PRR16: variants seen among roughly 807,000 people sequenced by gnomAD.
PRR16 encodes protein Largen.
In PRR16, 6 loss-of-function variants were observed where a neutral mutation model predicts 18.2. That is an observed-to-expected ratio of 0.33 (90% confidence interval 0.18 to 0.65). The LOEUF is 0.65. PRR16 is among the 30% of genes least tolerant of loss of function. PRR16 has a pLI of 0.74. For missense variants in PRR16, 412 were observed against 376.6 expected (o/e 1.09, Z -0.78); for synonymous variants, 151 against 147.8 (o/e 1.02, Z -0.16).
the PRR16 span, among the ~76,000 whole-genome samples, chr5:120,733,156 T>C: frequency 6.6e-6 from 1 of 152,132 alleles, no homozygotes; most frequent in African/African-American, 2.4e-5. Flanking sequence ...ATTTGTTTTT[T>C]CTTTTTTGAG....
At chr5:120,658,635 A>G (rs940899415) in intron 1 of PRR16, among the ~76,000 whole-genome samples, 3 of 151,948 alleles carry the variant, frequency 2.0e-5, no homozygotes, top group African/African-American at 2.4e-5. Flanking sequence ...AGACAAAAAT[A>G]AGATACTACA....
At chr5:120,723,278 T>G in the PRR16 span, among the ~76,000 whole-genome samples, 2 of 151,968 alleles carry the variant, frequency 1.3e-5, no homozygotes, top group Non-Finnish European at 2.9e-5. Flanking sequence ...ACCTGGTATG[T>G]ATTTGGTACT....
Position 120,619,673 on chromosome 5 carries a change from A to G in PRR16, c.160-66281A>G, listed in dbSNP as rs188588234. Among the ~76,000 whole-genome samples, 194 of 152,264 alleles carry G rather than the reference A, an allele frequency of 1.3e-3. 1 individual carries two copies. The highest frequency in any genetic ancestry group is 4.3e-3 in the African/African-American group (178 of 41,564). Reference sequence around the variant, plus strand: ...AGGAATGCAAAAATTTCTCCTAAGAATCTATATTAAAATATAGTAAAGCAG... The same window carrying G: ...AGGAATGCAAAAATTTCTCCTAAGAGTCTATATTAAAATATAGTAAAGCAG... On this transcript the variant is annotated intron_variant, in intron 1 of 1. Coordinates refer to ENST00000407149, the MANE Select transcript of PRR16 (RefSeq NM_001300783.2).
intron 1 of PRR16, among the ~76,000 whole-genome samples, chr5:120,528,558 G>A (rs568256323): frequency 6.6e-6 from 1 of 152,144 alleles, no homozygotes; most frequent in Admixed American, 6.6e-5. Flanking sequence ...AATCAATTAT[G>A]AATTTGAGCT....
chr5:120,529,072 C>G (rs1751462349), intron 1 of PRR16, among the ~76,000 whole-genome samples: 1 of 152,072 alleles, frequency 6.6e-6, no homozygotes, highest in Non-Finnish European at 1.5e-5. Flanking sequence ...TTAATCTCAA[C>G]TTAGCAGCAT....
chr5:120,604,397 C>G (rs969323580), intron 1 of PRR16, among the ~76,000 whole-genome samples: 3 of 152,056 alleles, frequency 2.0e-5, no homozygotes, highest in Non-Finnish European at 4.4e-5. Context: ...TTTCCATTTG[C>G]TTGATAGATC....
chr5:120,674,506 A>G (rs1047981768), intron 1 of PRR16, among the ~76,000 whole-genome samples: 1 of 152,258 alleles, frequency 6.6e-6, no homozygotes. Context: ...TTTTGAAGTT[A>G]CTAGCAAAAT....
intron 1 of PRR16, among the ~76,000 whole-genome samples, chr5:120,593,190 T>G (rs561264161): frequency 6.6e-6 from 1 of 151,638 alleles, no homozygotes; most frequent in Non-Finnish European, 1.5e-5. Context: ...GAGATTGAGA[T>G]AGGAAAAACC....
At chr5:120,531,958 A>G (rs1392847937) in intron 1 of PRR16, among the ~76,000 whole-genome samples, 1 of 152,190 alleles carries the variant, frequency 6.6e-6, no homozygotes, top group Non-Finnish European at 1.5e-5. Flanking sequence ...ACTTGTTAAT[A>G]GTTAATTAGA....
chr5:120,735,635 G>T, the PRR16 span, among the ~76,000 whole-genome samples: 2 of 150,134 alleles, frequency 1.3e-5, no homozygotes, highest in Non-Finnish European at 3.0e-5. Flanking sequence ...GACTATTCAA[G>T]TCCTTTGCCC....
intron 1 of PRR16, among the ~76,000 whole-genome samples, chr5:120,494,729 A>G (rs927651866): frequency 6.6e-6 from 1 of 152,062 alleles, no homozygotes; most frequent in Non-Finnish European, 1.5e-5. Flanking sequence ...TATATTTTAC[A>G]TTTAATTCTG....
the PRR16 span, among the ~76,000 whole-genome samples, chr5:120,759,235 C>T: frequency 6.6e-6 from 1 of 152,170 alleles, no homozygotes; most frequent in South Asian, 2.1e-4. Context: ...TTCGGCCTCC[C>T]AAAGTGCTGG....
At chr5:120,788,995 G>T in the PRR16 span, among the ~76,000 whole-genome samples, 1 of 151,898 alleles carries the variant, frequency 6.6e-6, no homozygotes, top group Non-Finnish European at 1.5e-5. Flanking sequence ...TTACTGTGCT[G>T]CCTGTATGTA....
chr5:120,520,144 C>G (rs1366391819), intron 1 of PRR16, among the ~76,000 whole-genome samples: 1 of 152,108 alleles, frequency 6.6e-6, no homozygotes, highest in East Asian at 1.9e-4. Flanking sequence ...CACACAAATC[C>G]CAGCACTTTG....
rs550757161 is a variant in PRR16, at chr5:120,589,182, A to AT, written c.160-96766dup. On this transcript the variant is annotated intron_variant, in intron 1 of 1. Coordinates refer to ENST00000407149, the MANE Select transcript of PRR16 (RefSeq NM_001300783.2). ...TAAGCTCATTAACCTGATTTTCAAG[A>AT]TTTTTTACTATCTAATTTAATGGCA... Among the ~76,000 whole-genome samples, 595 of 152,210 alleles carry AT rather than the reference A, an allele frequency of 3.9e-3. 5 individuals carry two copies. Among genetic ancestry groups the AT allele is most frequent in the African/African-American group, 0.012 (506 of 41,524 alleles).
intron 1 of PRR16, among the ~76,000 whole-genome samples, chr5:120,628,212 G>T (rs550501650): frequency 6.6e-6 from 1 of 152,036 alleles, no homozygotes; most frequent in African/African-American, 2.4e-5. Flanking sequence ...AACCTGATGC[G>T]CTGACAGTAA....
intron 1 of PRR16, among the ~76,000 whole-genome samples, chr5:120,490,181 G>A (rs1453127252): frequency 6.6e-6 from 1 of 152,118 alleles, no homozygotes; most frequent in East Asian, 1.9e-4. Flanking sequence ...TGTATTGCCT[G>A]AATCTGAACG....
intron 1 of PRR16, among the ~76,000 whole-genome samples, chr5:120,567,759 G>A (rs185494505): frequency 6.6e-6 from 1 of 152,270 alleles, no homozygotes; most frequent in East Asian, 1.9e-4. Context: ...TGCCATAAGT[G>A]TAAGTTTCTT....
intron 1 of PRR16, among the ~76,000 whole-genome samples, chr5:120,560,635 G>A (rs2112716454): frequency 6.6e-6 from 1 of 152,116 alleles, no homozygotes; most frequent in East Asian, 1.9e-4. Flanking sequence ...GTATCAGGGT[G>A]ATACCGACTT....
Sources: allele counts gnomAD v4.1 joint callset (sites outside exome capture counted in the v4.1 genomes callset), GRCh38; gene constraint gnomAD v4.1.1; transcripts MANE v1.5; gene names NCBI Gene and HGNC (gene_info 2026-07-23, HGNC 2026-07-21).